Variants in SERBP1 observed in about 807,000 individuals in gnomAD.
SERBP1 encodes the protein SERPINE1 mRNA binding protein 1, also known as SERPINE1 mRNA-binding protein 1.
In SERBP1, 6 loss-of-function variants were observed where a neutral mutation model predicts 50.2. That is an observed-to-expected ratio of 0.12 (90% CI 0.07 to 0.24). The LOEUF (loss-of-function observed/expected upper bound fraction) is 0.24. Ranked by LOEUF, SERBP1 falls within the 10% of genes least tolerant of loss-of-function variation. The pLI is 1.00. For synonymous variants in SERBP1, 168 were observed against 182.8 expected, an observed-to-expected ratio of 0.92 and a Z score of 0.65; for missense variants, 346 against 524.9, an observed-to-expected ratio of 0.66 and a Z score of 3.33.
rs776412956 is a variant in SERBP1, at chr1:67,415,247, G to A, written c.1044C>T (p.Gly348=). Residue 348 remains glycine, a synonymous_variant, in exon 7 of 8, where the codon GGC becomes GGT. Coordinates refer to ENST00000361219, the MANE Select transcript of SERBP1 (RefSeq NM_001018069.2). ...CTCCCCTGCCGCCACGTCCTGGGCG[G>A]CCAAGGTCTCCAAAATTGATCTCCA... ...SQLEINFGDL[G]RPGRGGRGGR... is the part of the protein sequence containing the mutation. 3.1e-6 allele frequency: 5 copies of A among 1,613,064 alleles called. No homozygotes were observed. Among genetic ancestry groups the A allele is most frequent in the Non-Finnish European group, 4.2e-6 (5 of 1,179,564 alleles).
At chr1:67,423,400 A>G (rs1029351394) in intron 5 of SERBP1, among the ~76,000 whole-genome samples, 1 of 152,130 alleles carries the variant, frequency 6.6e-6, no homozygotes, top group Non-Finnish European at 1.5e-5. Flanking sequence ...TGAGCTCAGG[A>G]GTTGAAGACC....
intron 5 of SERBP1, among the ~76,000 whole-genome samples, chr1:67,421,159 G>C (rs1031839805): frequency 2.0e-5 from 3 of 151,950 alleles, no homozygotes; most frequent in Non-Finnish European, 4.4e-5. Flanking sequence ...ACTTCCTAGA[G>C]CAAGTTTATA....
In SERBP1 at chr1:67,412,237, TCA is replaced by T. The variant is rs1236663394; in HGVS notation, c.*968_*969del. ...TGTACCATTTTGATTTTGGGACCTT[TCA>T]CACACAGAAATCATACCAAATGGCC... On this transcript the variant is annotated 3_prime_UTR_variant, in exon 8 of 8. Coordinates refer to ENST00000361219, the MANE Select transcript of SERBP1 (RefSeq NM_001018069.2). 5 of 152,644 alleles carry T rather than the reference TCA, an allele frequency of 3.3e-5. No individual in the cohort carries two copies. Among genetic ancestry groups the T allele is most frequent in the African/African-American group, 1.2e-4 (5 of 41,452 alleles). The allele number at this position is 152,644 out of a possible 1,614,324, so 9.5% of individuals were successfully genotyped here.
intron 6 of SERBP1, chr1:67,419,690 T>C (rs868550027): frequency 3.6e-6 from 1 of 278,684 alleles, no homozygotes. Context: ...TTTGGCAAGA[T>C]TTCAAAAATA....
rs565673874 is a variant in SERBP1, at chr1:67,430,053, G to A, written c.248C>T (p.Pro83Leu). 4.3e-6 allele frequency: 7 copies of A among 1,613,708 alleles called. No individual in the cohort carries two copies. The highest frequency in any genetic ancestry group is 1.3e-5 in the African/African-American group (1 of 75,020). ...ESQKDRKNPL[P>L]PSVGVVDKKE... is the part of the protein sequence containing the mutation. ...CTTGTCAACCACGCCAACGCTGGGG[G>A]GCAGCGGGTTCTTGCGGTCTTTCTG... The change falls in exon 1 of 8, where the codon CCC (proline) becomes CTC (leucine). Residue 83 changes from proline to leucine, a missense_variant. Physicochemically the swap from Pro to Leu is moderately conservative, Grantham distance 98 (BLOSUM62 -3). Around this residue, in one of 5 missense-constraint regions of SERBP1, gnomAD observed 257 missense variants for 331.2 expected, o/e 0.78. Transcript: ENST00000361219.
chr1:67,415,801 G>A (rs1282791897), intron 6 of SERBP1, among the ~76,000 whole-genome samples: 1 of 152,078 alleles, frequency 6.6e-6, no homozygotes, highest in Non-Finnish European at 1.5e-5. Context: ...GAAAAACTCT[G>A]TTCTACACTC....
At chr1:67,425,435 C>T (rs12743357) in intron 2 of SERBP1, among the ~76,000 whole-genome samples, 3 of 152,230 alleles carry the variant, frequency 2.0e-5, no homozygotes, top group African/African-American at 7.2e-5. Flanking sequence ...TTTTAGCACT[C>T]TAAAGCATTA....
rs1051823186 is a variant in SERBP1 at position 67,419,993 on chromosome 1, C to A, written c.951+16G>T. 6.2e-7 allele frequency: 1 copy of A among 1,611,276 alleles called. No individual in the cohort carries two copies. ...CACATCTGAACATTTTCAAACACGA[C>A]AAAACTTAATTTTACCTCTTCACTC... On this transcript the variant is annotated intron_variant, in intron 6 of 7. Transcript: ENST00000361219.
At chr1:67,424,697 A>G (rs1667312546) in intron 4 of SERBP1, among the ~76,000 whole-genome samples, 191 bp downstream of exon 4, 1 of 152,146 alleles carries the variant, frequency 6.6e-6, no homozygotes, top group Non-Finnish European at 1.5e-5. Context: ...AGTAACAAAT[A>G]TATCGAAATA....
Position 67,426,006 on chromosome 1 carries a change from AGAG to A in SERBP1, c.464+126_464+128del, listed in dbSNP as rs571534985. On this transcript the variant is annotated intron_variant, in intron 2 of 7. Coordinates refer to ENST00000361219, the MANE Select transcript of SERBP1 (RefSeq NM_001018069.2). ...GTGACCTTGTAGTCCGAGCTACTCAAGAGGAGACTGAGATGAGAGGATCATTTG... is the reference window on the plus strand; with the variant it reads ...GTGACCTTGTAGTCCGAGCTACTCAAGAGACTGAGATGAGAGGATCATTTG... The A allele has an allele frequency of 7.9e-5, 60 of 757,104 alleles. 1 individual carries two copies. The South Asian group carries it at 1.2e-3, about 15-fold the overall frequency. The allele number at this position is 757,104 out of a possible 1,614,324, so 46.9% of individuals were successfully genotyped here.
At chr1:67,415,077 T>C in intron 7 of SERBP1, 89 bp downstream of exon 7, 2 of 1,386,518 alleles carry the variant, frequency 1.4e-6, no homozygotes, top group Non-Finnish European at 9.6e-7. Flanking sequence ...CTTCTACTTA[T>C]GTTCCCAAAA....
chr1:67,414,793 A>C (rs568450411), intron 7 of SERBP1, among the ~76,000 whole-genome samples: 5 of 152,200 alleles, frequency 3.3e-5, no homozygotes, highest in Admixed American at 1.3e-4. Context: ...AAGTGAACAG[A>C]CTGGTTTTCA....
intron 6 of SERBP1, among the ~76,000 whole-genome samples, chr1:67,416,139 A>C (rs1338691736): frequency 1.3e-5 from 2 of 151,746 alleles, no homozygotes; most frequent in Non-Finnish European, 2.9e-5. Context: ...CAGCCTCCCA[A>C]GTAGCTGGGT....
intron 1 of SERBP1, among the ~76,000 whole-genome samples, chr1:67,427,582 C>G (rs1667429411): frequency 6.6e-6 from 1 of 152,152 alleles, no homozygotes; most frequent in African/African-American, 2.4e-5. Flanking sequence ...TCAAGATAGA[C>G]TACAAATATT....
rs373226296 is a variant in SERBP1 at position 67,430,315 on chromosome 1, G to A, written c.-15C>T. 2.6e-5 allele frequency: 38 copies of A among 1,486,864 alleles called. No individual in the cohort carries two copies. The highest frequency in any genetic ancestry group is 2.5e-5 in the East Asian group (1 of 40,290). 92.1% of individuals were successfully genotyped at this position (1,486,864 alleles called of 1,614,324 possible). A position where few individuals can be genotyped will look rare whatever the true frequency, so the allele number is the denominator to read the frequency against. The stretch of plus-strand genomic sequence containing the variant: ...TGCCCAGGCATGATGGTGGCTCGGC[G>A]GCGCGTTCCTCCACGGATTGCAGCG... On this transcript the variant is annotated 5_prime_UTR_variant, in exon 1 of 8. Transcript: ENST00000361219.
chr1:67,419,205 CTT>C (rs1667126964), intron 6 of SERBP1, among the ~76,000 whole-genome samples: 1 of 152,252 alleles, frequency 6.6e-6, no homozygotes, highest in African/African-American at 2.4e-5. Flanking sequence ...TCCAGTTCCA[CTT>C]AATGAACAGT....
chr1:67,415,629 C>T (rs1248641113), intron 6 of SERBP1, among the ~76,000 whole-genome samples: 1 of 152,180 alleles, frequency 6.6e-6, no homozygotes, highest in East Asian at 1.9e-4. Context: ...CATCCTAGAC[C>T]TACTGAATCA....
intron 5 of SERBP1, among the ~76,000 whole-genome samples, chr1:67,423,997 A>T (rs1029892571): frequency 1.3e-5 from 2 of 152,228 alleles, no homozygotes; most frequent in Non-Finnish European, 2.9e-5. Flanking sequence ...TGCCTAGGCA[A>T]TATAGTGAGA....
chr1:67,429,105 C>T (rs1002194957), intron 1 of SERBP1, among the ~76,000 whole-genome samples: 4 of 152,214 alleles, frequency 2.6e-5, no homozygotes, highest in African/African-American at 9.6e-5. Flanking sequence ...GCTTCACGCA[C>T]ATGTGGTGGA....
Sources: allele counts gnomAD v4.1 joint callset (sites outside exome capture counted in the v4.1 genomes callset), GRCh38; gene constraint gnomAD v4.1.1; regional missense constraint gnomAD v4.1.1; transcripts MANE v1.5; gene names NCBI Gene and HGNC (gene_info 2026-07-23, HGNC 2026-07-21).